CTNNA3: variants seen among roughly 807,000 people sequenced by gnomAD.
The protein encoded by CTNNA3 is catenin alpha 3.
CTNNA3 carries 76 observed loss-of-function variants against 95.7 expected under a neutral mutation model. The ratio of observed to expected loss-of-function variants is 0.79; its 90% confidence interval spans 0.66 to 0.96. The LOEUF (loss-of-function observed/expected upper bound fraction) is 0.96, where lower values mean the gene tolerates loss of function less well. CTNNA3 is among the 40% of genes least tolerant of loss of function. The pLI is 0.00. For missense variants in CTNNA3, 1,191 were observed against 1,089.8 expected (o/e 1.09, Z -1.31); for synonymous variants, 431 against 374.4 (o/e 1.15, Z -1.74).
At chr10:65,947,111 T>C (rs2133196159) in intron 17 of CTNNA3, among the ~76,000 whole-genome samples, 1 of 146,592 alleles carries the variant, frequency 6.8e-6, no homozygotes, top group South Asian at 2.1e-4. Flanking sequence ...TTTTGTAGAA[T>C]TCATCCATTA....
chr10:67,592,431 C>T (rs918123745), intron 3 of CTNNA3, among the ~76,000 whole-genome samples: 2 of 152,072 alleles, frequency 1.3e-5, no homozygotes, highest in African/African-American at 2.4e-5. Context: ...AGAGAAGAAG[C>T]TGCTGGACAC....
chr10:67,523,220 C>A (rs937752130), intron 4 of CTNNA3, among the ~76,000 whole-genome samples: 3 of 152,128 alleles, frequency 2.0e-5, no homozygotes, highest in African/African-American at 7.2e-5. Flanking sequence ...AACAAATAAT[C>A]ATTTAGAACC....
intron 11 of CTNNA3, among the ~76,000 whole-genome samples, chr10:66,473,343 G>T (rs1839202210): frequency 6.6e-6 from 1 of 151,734 alleles, no homozygotes; most frequent in African/African-American, 2.4e-5. Flanking sequence ...TTTATAAGAG[G>T]TTCTTCCTGC....
intron 7 of CTNNA3, among the ~76,000 whole-genome samples, chr10:66,803,019 T>A (rs1387652647): frequency 6.6e-6 from 1 of 151,620 alleles, no homozygotes; most frequent in African/African-American, 2.4e-5. Context: ...AAATATTCAT[T>A]TTTTTTTAGA....
At chr10:67,151,084 TCCTCC>T (rs1861069025) in intron 7 of CTNNA3, among the ~76,000 whole-genome samples, 1 of 152,180 alleles carries the variant, frequency 6.6e-6, no homozygotes, top group South Asian at 2.1e-4. Context: ...TTTCTTCATT[TCCTCC>T]TAAAACTAAA....
chr10:67,211,963 G>A (rs954740767), intron 6 of CTNNA3, among the ~76,000 whole-genome samples: 1 of 151,970 alleles, frequency 6.6e-6, no homozygotes, highest in Non-Finnish European at 1.5e-5. Flanking sequence ...ACCCTAAATA[G>A]TACAAATGTA....
intron 10 of CTNNA3, among the ~76,000 whole-genome samples, chr10:66,562,381 A>T (rs1283965728): frequency 6.6e-6 from 1 of 152,152 alleles, no homozygotes; most frequent in Admixed American, 6.6e-5. Context: ...TGATGTTCAC[A>T]CACCTAAGCA....
intron 3 of CTNNA3, among the ~76,000 whole-genome samples, chr10:67,544,632 AC>A (rs1335720668): frequency 6.6e-6 from 1 of 152,178 alleles, no homozygotes; most frequent in African/African-American, 2.4e-5. Context: ...GGAGGAAACC[AC>A]CCAAGGCTAG....
chr10:67,486,487 C>A (rs1258933055), intron 5 of CTNNA3, among the ~76,000 whole-genome samples: 1 of 152,142 alleles, frequency 6.6e-6, no homozygotes, highest in East Asian at 1.9e-4. Context: ...ACTTTCACAT[C>A]TAGTATTTGT....
chr10:67,147,135 C>G (rs745740357), intron 7 of CTNNA3, among the ~76,000 whole-genome samples: 3 of 152,168 alleles, frequency 2.0e-5, no homozygotes, highest in Non-Finnish European at 4.4e-5. Context: ...AAATCTTTCT[C>G]CTTGCTAAGT....
At chr10:66,021,501 G>T (rs1242345917) in intron 15 of CTNNA3, among the ~76,000 whole-genome samples, 2 of 152,044 alleles carry the variant, frequency 1.3e-5, no homozygotes, top group Admixed American at 1.3e-4. Context: ...CGAGGTATTT[G>T]TAAATAGCAA....
intron 10 of CTNNA3, among the ~76,000 whole-genome samples, chr10:66,595,084 A>C (rs973324498): frequency 6.6e-6 from 1 of 152,004 alleles, no homozygotes; most frequent in Non-Finnish European, 1.5e-5. Flanking sequence ...TTTAACAAAC[A>C]CCCATGGTCA....
intron 10 of CTNNA3, among the ~76,000 whole-genome samples, chr10:66,567,806 G>T (rs1195577191): frequency 6.6e-6 from 1 of 152,052 alleles, no homozygotes; most frequent in Non-Finnish European, 1.5e-5. Flanking sequence ...CTCTGAGCTG[G>T]CATCCATCCA....
chr10:67,230,893 T>G (rs80237135), intron 5 of CTNNA3, among the ~76,000 whole-genome samples: 1 of 152,134 alleles, frequency 6.6e-6, no homozygotes, highest in South Asian at 2.1e-4. Flanking sequence ...TTCCCTTTCC[T>G]AGTCAAAGAG....
chr10:66,854,743 A>ATTTTTTTT (rs34752190), intron 7 of CTNNA3, among the ~76,000 whole-genome samples: 1 of 147,938 alleles, frequency 6.8e-6, no homozygotes, highest in Non-Finnish European at 1.5e-5. Context: ...AGAAAATGTC[A>ATTTTTTTT]TTTTTTTTTT....
intron 1 of CTNNA3, among the ~76,000 whole-genome samples, chr10:67,648,540 C>G (rs1430853071): frequency 6.6e-6 from 1 of 152,148 alleles, no homozygotes; most frequent in Non-Finnish European, 1.5e-5. Flanking sequence ...GTGCTTAACT[C>G]TATCACAAGC....
intron 5 of CTNNA3, among the ~76,000 whole-genome samples, chr10:67,298,665 T>A (rs938223369): frequency 2.6e-5 from 4 of 152,248 alleles, no homozygotes; most frequent in African/African-American, 9.6e-5. Flanking sequence ...TGTAAAGATA[T>A]ACTGTTGTCC....
chr10:67,110,242 A>G (rs917379578), intron 7 of CTNNA3, among the ~76,000 whole-genome samples: 9 of 152,202 alleles, frequency 5.9e-5, no homozygotes, highest in Non-Finnish European at 1.2e-4. Flanking sequence ...TGTAGAGTCT[A>G]TAATTTGTTA....
At chr10:67,425,538 A>G (rs1845894807) in intron 5 of CTNNA3, among the ~76,000 whole-genome samples, 1 of 152,046 alleles carries the variant, frequency 6.6e-6, no homozygotes, top group African/African-American at 2.4e-5. Flanking sequence ...AGGAAAAAAA[A>G]ACCGTGCAGA....
Sources: allele counts gnomAD v4.1 joint callset (sites outside exome capture counted in the v4.1 genomes callset), GRCh38; gene constraint gnomAD v4.1.1; transcripts MANE v1.5; gene names NCBI Gene and HGNC (gene_info 2026-07-23, HGNC 2026-07-21).